Variants in PDE11A observed in about 807,000 individuals in gnomAD.
PDE11A encodes the protein phosphodiesterase 11A.
In PDE11A, 100 loss-of-function variants were observed where a neutral mutation model predicts 100.5. The observed-to-expected ratio is 1.00, with a 90% CI of 0.85 to 1.18. PDE11A has a LOEUF of 1.18. Ranked by LOEUF, PDE11A falls within the 50% of genes most tolerant of loss-of-function variation. The probability of loss-of-function intolerance (pLI) is 0.00; values close to 1 mark genes in which losing one functional copy is unlikely to be tolerated. For missense variants in PDE11A, 1,141 were observed against 1,152.6 expected (o/e 0.99, Z 0.15); for synonymous variants, 381 against 420.8 (o/e 0.91, Z 1.16).
chr2:178,030,787 G>A (rs1186710464), intron 1 of PDE11A, among the ~76,000 whole-genome samples: 2 of 152,056 alleles, frequency 1.3e-5, no homozygotes, highest in East Asian at 3.9e-4. Context: ...CTGAGGTGCA[G>A]GGATCACCTG....
intron 15 of PDE11A, among the ~76,000 whole-genome samples, chr2:177,695,234 C>T (rs2081094789): frequency 6.6e-6 from 1 of 151,876 alleles, no homozygotes; most frequent in African/African-American, 2.4e-5. Context: ...GTACATATGA[C>T]ATTTTGTTAC....
chr2:177,846,425 G>A (rs1005303478), intron 5 of PDE11A, among the ~76,000 whole-genome samples: 3 of 152,192 alleles, frequency 2.0e-5, no homozygotes, highest in African/African-American at 7.2e-5. Flanking sequence ...GTGATGTGGT[G>A]TTGTGAGTTT....
intron 19 of PDE11A, among the ~76,000 whole-genome samples, chr2:177,656,217 C>T (rs780154592): frequency 3.9e-5 from 6 of 152,052 alleles, no homozygotes; most frequent in Non-Finnish European, 8.8e-5. Context: ...CAACCATGGC[C>T]CCATAAGATT....
At chr2:178,044,299 A>C (rs948378813) in intron 1 of PDE11A, among the ~76,000 whole-genome samples, 13 of 151,220 alleles carry the variant, frequency 8.6e-5, no homozygotes, top group African/African-American at 3.1e-4. Context: ...TGACCAAAGA[A>C]GTGAAGAATC....
intron 5 of PDE11A, among the ~76,000 whole-genome samples, chr2:177,845,116 C>T (rs1186399496): frequency 7.3e-5 from 11 of 150,872 alleles, no homozygotes; most frequent in African/African-American, 1.5e-4. Context: ...TAGGGGCAGC[C>T]GGGCAGAGGC....
intron 7 of PDE11A, among the ~76,000 whole-genome samples, chr2:177,819,691 A>C (rs1241414912): frequency 1.3e-5 from 2 of 152,020 alleles, no homozygotes; most frequent in Non-Finnish European, 2.9e-5. Flanking sequence ...GTATATGTCC[A>C]ATATAGAATG....
intron 2 of PDE11A, among the ~76,000 whole-genome samples, chr2:177,957,062 TAAAAA>T (rs891311512): frequency 2.1e-5 from 3 of 142,666 alleles, no homozygotes; most frequent in South Asian, 2.2e-4. Flanking sequence ...AATAATAAAA[TAAAAA>T]AAAAGAAAAG....
intron 2 of PDE11A, among the ~76,000 whole-genome samples, chr2:177,963,150 G>A (rs1046843985): frequency 4.5e-4 from 69 of 152,220 alleles, no homozygotes; most frequent in African/African-American, 1.7e-3. Context: ...AGAAAAATAA[G>A]AAACTAAAAT....
At chr2:177,885,201 A>AGTGTGTGTGTGTGT (rs5836630) in intron 4 of PDE11A, among the ~76,000 whole-genome samples, 4 of 149,406 alleles carry the variant, frequency 2.7e-5, no homozygotes, top group Non-Finnish European at 4.5e-5. Flanking sequence ...TAATGATGTG[A>AGTGTGTGTGTGTGT]GTGTGTGTGT....
intron 2 of PDE11A, among the ~76,000 whole-genome samples, chr2:178,079,604 G>A (rs140517638): frequency 6.4e-4 from 98 of 152,088 alleles, no homozygotes; most frequent in African/African-American, 2.0e-3. Flanking sequence ...GAACATACAC[G>A]TACATGTATC....
intron 9 of PDE11A, among the ~76,000 whole-genome samples, chr2:177,812,344 A>G (rs1319299357): frequency 6.6e-6 from 1 of 152,130 alleles, no homozygotes; most frequent in Non-Finnish European, 1.5e-5. Flanking sequence ...GGCTAATACT[A>G]AAATCGACAC....
intron 9 of PDE11A, among the ~76,000 whole-genome samples, chr2:177,785,380 G>A (rs949308150): frequency 5.9e-5 from 7 of 119,480 alleles, no homozygotes; most frequent in Admixed American, 8.4e-5. Flanking sequence ...TTAGAATAGC[G>A]TTTAAAGACA....
intron 2 of PDE11A, among the ~76,000 whole-genome samples, chr2:178,089,790 CA>C (rs1204481771): frequency 6.6e-6 from 1 of 152,190 alleles, no homozygotes; most frequent in East Asian, 1.9e-4. Flanking sequence ...AAGCCAAACA[CA>C]GAAAGCAATG....
At chr2:177,998,529 T>G in intron 2 of PDE11A, 1 of 1,370,964 alleles carries the variant, frequency 7.3e-7, no homozygotes, top group Middle Eastern at 2.1e-4. Context: ...TTTAATTGCT[T>G]GACGTCAAAT....
intron 19 of PDE11A, among the ~76,000 whole-genome samples, chr2:177,637,243 A>C (rs1262669478): frequency 6.6e-6 from 1 of 152,168 alleles, no homozygotes; most frequent in Non-Finnish European, 1.5e-5. Flanking sequence ...ATGGTCATAT[A>C]ATGAGAGATG....
chr2:177,721,922 G>A (rs1009553226), intron 12 of PDE11A, among the ~76,000 whole-genome samples: 9 of 152,038 alleles, frequency 5.9e-5, no homozygotes, highest in African/African-American at 9.7e-5. Context: ...ACTTTTTATA[G>A]CTCCCAACTT....
At chr2:178,100,214 A>G (rs531482934) in intron 2 of PDE11A, among the ~76,000 whole-genome samples, 1 of 152,366 alleles carries the variant, frequency 6.6e-6, no homozygotes, top group Non-Finnish European at 1.5e-5. Context: ...TTGTAAGTTA[A>G]GATGGTTAAA....
intron 15 of PDE11A, among the ~76,000 whole-genome samples, chr2:177,682,282 C>T (rs1056202033): frequency 2.0e-5 from 3 of 152,206 alleles, no homozygotes; most frequent in Non-Finnish European, 2.9e-5. Flanking sequence ...TGAACCAGTA[C>T]ATCATACATG....
At chr2:177,788,033 C>A (rs568773669) in intron 9 of PDE11A, among the ~76,000 whole-genome samples, 1 of 151,888 alleles carries the variant, frequency 6.6e-6, no homozygotes. Context: ...CTGCACCAAG[C>A]GGACCTAATA....
Sources: allele counts gnomAD v4.1 joint callset (sites outside exome capture counted in the v4.1 genomes callset), GRCh38; gene constraint gnomAD v4.1.1; transcripts MANE v1.5; gene names NCBI Gene and HGNC (gene_info 2026-07-23, HGNC 2026-07-21).